NCKAP5: variants seen among roughly 807,000 people sequenced by gnomAD.
NCKAP5 encodes the protein nck-associated protein 5.
NCKAP5 carries 92 observed loss-of-function variants against 167.0 expected under a neutral mutation model. That is an observed-to-expected ratio of 0.55 (90% CI 0.47 to 0.66). The LOEUF (loss-of-function observed/expected upper bound fraction) is 0.66. Ranked by LOEUF, NCKAP5 falls within the 30% of genes least tolerant of loss-of-function variation. The probability of loss-of-function intolerance (pLI) is 0.00; values close to 1 mark genes in which losing one functional copy is unlikely to be tolerated. For missense variants in NCKAP5, 2,378 were observed against 2,315.0 expected, an observed-to-expected ratio of 1.03 and a Z score of -0.56; for synonymous variants, 891 against 877.4, an observed-to-expected ratio of 1.02 and a Z score of -0.27.
chr2:133,580,198 G>A, the NCKAP5 span, among the ~76,000 whole-genome samples: 1 of 152,092 alleles, frequency 6.6e-6, no homozygotes, highest in Admixed American at 6.5e-5. Context: ...AGGTCACTAC[G>A]GCTTCTTGGA....
rs2079968837 is a variant in NCKAP5, at chr2:133,060,681, A to C, written c.342-66442T>G. Among the ~76,000 whole-genome samples, 4 of 152,168 alleles carry C rather than the reference A, an allele frequency of 2.6e-5. No homozygotes were observed. The South Asian group carries it at 8.3e-4, about 32-fold the overall frequency. ...GGTGGGCCAATTTTCCTTTCTTATG[A>C]GCTATGAAGATAAATGTACACACAC... On this transcript the variant is annotated intron_variant, in intron 6 of 19. Coordinates refer to ENST00000409261, the MANE Select transcript of NCKAP5 (RefSeq NM_207363.3).
chr2:133,202,876 A>T (rs1439676533), intron 5 of NCKAP5, among the ~76,000 whole-genome samples: 2 of 152,144 alleles, frequency 1.3e-5, no homozygotes, highest in African/African-American at 4.8e-5. Context: ...TGATCATTAA[A>T]AAGTCAGGAA....
chr2:132,853,055 C>T (rs1689195049), intron 11 of NCKAP5, among the ~76,000 whole-genome samples: 1 of 152,132 alleles, frequency 6.6e-6, no homozygotes, highest in Non-Finnish European at 1.5e-5. Context: ...TTCTGGCTGT[C>T]CCATGAATAT....
intron 19 of NCKAP5, among the ~76,000 whole-genome samples, chr2:132,724,951 GA>G (rs1265566109): frequency 6.6e-6 from 1 of 151,814 alleles, no homozygotes; most frequent in Non-Finnish European, 1.5e-5. Flanking sequence ...TAGTATTTTA[GA>G]AAAAAGTTGA....
At chr2:133,616,764 T>C in the NCKAP5 span, among the ~76,000 whole-genome samples, 1 of 151,800 alleles carries the variant, frequency 6.6e-6, no homozygotes, top group East Asian at 1.9e-4. Context: ...ACTATTCCAA[T>C]CAATAGAAAA....
chr2:133,465,459 C>A (rs992184123), intron 3 of NCKAP5, among the ~76,000 whole-genome samples: 25 of 151,980 alleles, frequency 1.6e-4, no homozygotes, highest in African/African-American at 5.8e-4. Flanking sequence ...AATAATGCCG[C>A]AATAAACACA....
chr2:132,935,211 G>A (rs1347988233), intron 8 of NCKAP5, among the ~76,000 whole-genome samples: 2 of 152,184 alleles, frequency 1.3e-5, no homozygotes, highest in Admixed American at 6.5e-5. Context: ...TTGGATTGAT[G>A]ACAGCCATTT....
intron 5 of NCKAP5, among the ~76,000 whole-genome samples, chr2:133,168,392 T>G (rs184964595): frequency 1.3e-5 from 2 of 152,104 alleles, no homozygotes; most frequent in East Asian, 3.9e-4. Context: ...AATGGACTAT[T>G]CCCTGCTCAT....
chr2:133,413,694 G>T (rs1443148292), intron 3 of NCKAP5, among the ~76,000 whole-genome samples: 3 of 152,024 alleles, frequency 2.0e-5, no homozygotes, highest in Admixed American at 2.0e-4. Context: ...TGAGAAGTTG[G>T]AAGATCCGGC....
chr2:132,761,972 T>C (rs1681046878), intron 16 of NCKAP5, among the ~76,000 whole-genome samples: 1 of 152,132 alleles, frequency 6.6e-6, no homozygotes, highest in Non-Finnish European at 1.5e-5. Flanking sequence ...GCCTGAGAGG[T>C]GATCCAAGAA....
chr2:132,723,780 C>T (rs1690181421), intron 19 of NCKAP5, among the ~76,000 whole-genome samples: 1 of 152,202 alleles, frequency 6.6e-6, no homozygotes, highest in African/African-American at 2.4e-5. Flanking sequence ...TCCAAGCTAT[C>T]AACATCTCTT....
At chr2:133,035,069 AG>A (rs1475817441) in intron 6 of NCKAP5, among the ~76,000 whole-genome samples, 1 of 152,064 alleles carries the variant, frequency 6.6e-6, no homozygotes, top group East Asian at 1.9e-4. Context: ...GGATGGAAAA[AG>A]ATATTCCATG....
intron 6 of NCKAP5, among the ~76,000 whole-genome samples, chr2:133,099,962 C>T (rs1574027723): frequency 6.6e-6 from 1 of 152,238 alleles, no homozygotes; most frequent in East Asian, 1.9e-4. Flanking sequence ...GGCCCACTAG[C>T]TTAGACCACT....
chr2:133,420,041 G>T (rs972105549), intron 3 of NCKAP5, among the ~76,000 whole-genome samples: 4 of 152,170 alleles, frequency 2.6e-5, no homozygotes, highest in African/African-American at 7.2e-5. Context: ...CTGAGTAAAA[G>T]GGGGCCTCCC....
At chr2:133,221,287 T>C (rs1436460604) in intron 4 of NCKAP5, among the ~76,000 whole-genome samples, 1 of 152,234 alleles carries the variant, frequency 6.6e-6, no homozygotes, top group Non-Finnish European at 1.5e-5. Context: ...AATCCCATAA[T>C]ACTCTCCATA....
At chr2:132,737,124 G>A (rs926183315) in intron 16 of NCKAP5, among the ~76,000 whole-genome samples, 1 of 152,144 alleles carries the variant, frequency 6.6e-6, no homozygotes, top group African/African-American at 2.4e-5. Flanking sequence ...TCGCACATAG[G>A]AAATATACAG....
chr2:132,791,483 A>G (rs1684065347), intron 12 of NCKAP5, among the ~76,000 whole-genome samples: 1 of 152,226 alleles, frequency 6.6e-6, no homozygotes, highest in African/African-American at 2.4e-5. Context: ...CCCTCGTGTA[A>G]CAGATGAAGC....
the NCKAP5 span, among the ~76,000 whole-genome samples, chr2:133,583,177 A>C: frequency 6.6e-6 from 1 of 152,210 alleles, no homozygotes; most frequent in Non-Finnish European, 1.5e-5. Flanking sequence ...TGTCATGTTG[A>C]AATGTGATTC....
At chr2:133,468,469 G>GA (rs1483643777) in intron 3 of NCKAP5, among the ~76,000 whole-genome samples, 2 of 151,228 alleles carry the variant, frequency 1.3e-5, no homozygotes, top group Non-Finnish European at 2.9e-5. Context: ...GTGTGGTGCT[G>GA]AAAAAAATGT....
Sources: gnomAD v4.1 joint callset for allele counts (sites outside exome capture counted in the v4.1 genomes callset) on GRCh38, gnomAD v4.1.1 for gene constraint, MANE v1.5 for transcripts, NCBI Gene and HGNC (gene_info 2026-07-23, HGNC 2026-07-21) for gene names.